The following PTGFRN variants were observed in gnomAD, a reference collection of about 807,000 sequenced individuals.
PTGFRN encodes prostaglandin F2 receptor inhibitor, also known as prostaglandin F2 receptor negative regulator.
Under a neutral mutation model 83.2 loss-of-function variants are expected in PTGFRN, and 35 were observed. The observed-to-expected ratio is 0.42, with a 90% CI of 0.32 to 0.56. The LOEUF is 0.56. Among genes scored for constraint, PTGFRN ranks in the 20% least tolerant of loss-of-function variants. The pLI is 0.11. For synonymous variants in PTGFRN, 519 were observed against 498.6 expected (o/e 1.04, Z -0.55); for missense variants, 1,051 against 1,179.5 (o/e 0.89, Z 1.60).
intron 7 of PTGFRN, among the ~76,000 whole-genome samples, chr1:116,982,907 C>A (rs748684923): frequency 6.6e-6 from 1 of 152,140 alleles, no homozygotes; most frequent in East Asian, 1.9e-4. Context: ...ACAGCCAGTA[C>A]CTGCAGTGGC....
intron 7 of PTGFRN, among the ~76,000 whole-genome samples, chr1:116,976,936 A>G (rs1454013671): frequency 1.3e-5 from 2 of 152,238 alleles, no homozygotes; most frequent in Admixed American, 6.5e-5. Flanking sequence ...GGCAAATTGG[A>G]TAAAGACTCA....
In PTGFRN at chr1:116,944,718, C is replaced by A; in HGVS notation, c.458C>A (p.Pro153His). ...DSLHVGPSARPPPSLSLREGE... is the reference protein window; with the variant it reads ...DSLHVGPSARHPPSLSLREGE... The stretch of plus-strand genomic sequence containing the variant: ...CTGCACGTGGGCCCCAGCGCGCGGC[C>A]CCCGCCGAGCCTGAGCCTGCGGGAG... The change falls in exon 3 of 9, where the codon CCC (proline) becomes CAC (histidine). Residue 153 changes from proline to histidine, a missense_variant. Pro to His is a moderately conservative substitution (Grantham distance 77). Transcript: ENST00000393203. 6.9e-7 allele frequency: 1 copy of A among 1,450,868 alleles called. No homozygotes were observed. The highest frequency in any genetic ancestry group is 1.5e-5 in the South Asian group (1 of 66,706). The allele number at this position is 1,450,868 out of a possible 1,614,324, so 89.9% of individuals were successfully genotyped here.
chr1:116,949,162 A>G (rs772221454), intron 3 of PTGFRN, 30 bp from the exon 4 acceptor site: 2 of 1,547,584 alleles, frequency 1.3e-6, no homozygotes, highest in African/African-American at 2.7e-5. Flanking sequence ...TAATCAGATT[A>G]CCTAGATGTA....
chr1:116,969,408 C>A (rs1372491096), intron 6 of PTGFRN, among the ~76,000 whole-genome samples: 1 of 152,118 alleles, frequency 6.6e-6, no homozygotes, highest in South Asian at 2.1e-4. Context: ...ATAATTTAAT[C>A]ATAAATGTAG....
chr1:116,925,034 C>G (rs1306802912), intron 1 of PTGFRN, among the ~76,000 whole-genome samples: 2 of 152,188 alleles, frequency 1.3e-5, no homozygotes, highest in East Asian at 1.9e-4. Flanking sequence ...CTTCAGCAAG[C>G]TGGACTCATT....
At chr1:116,975,953 G>T (rs1348735401) in intron 7 of PTGFRN, among the ~76,000 whole-genome samples, 1 of 152,160 alleles carries the variant, frequency 6.6e-6, no homozygotes, top group Admixed American at 6.5e-5. Context: ...CGAATCCATC[G>T]CAAAGAAGCT....
At position 116,949,194 on chromosome 1, in the gene PTGFRN, C is replaced by T. The variant is rs746902415; in HGVS notation, c.835C>T (p.Leu279=). The T allele has an allele frequency of 1.3e-6, 2 of 1,571,594 alleles. No homozygotes were observed. Among genetic ancestry groups the T allele is most frequent in the Non-Finnish European group, 1.7e-6 (2 of 1,156,718 alleles). Reference sequence around the variant, plus strand: ...TGTATTTGTTTTTAATTTTCAAGTTCTGCGAGCAGCTGTGCCCAAGAATGT... The same window carrying T: ...TGTATTTGTTTTTAATTTTCAAGTTTTGCGAGCAGCTGTGCCCAAGAATGT... The part of the protein sequence containing the change: ...VATVVIQPSV[L]RAAVPKNVSV... The change falls in exon 4 of 9, where the codon CTG becomes TTG. Residue 279 remains leucine (L), a splice_region_variant and synonymous_variant. Transcript: ENST00000393203.
intron 7 of PTGFRN, among the ~76,000 whole-genome samples, chr1:116,979,190 A>G (rs1651240596): frequency 1.3e-5 from 2 of 152,202 alleles, no homozygotes. Flanking sequence ...TTCAAGGAGA[A>G]CTGCAAACCA....
Position 116,961,400 on chromosome 1 carries a change from T to C in PTGFRN, c.1371T>C (p.Asn457=), listed in dbSNP as rs368368074. 3 of 1,613,554 alleles carry C rather than the reference T, an allele frequency of 1.9e-6. No homozygotes were observed. Among genetic ancestry groups the C allele is most frequent in the Non-Finnish European group, 1.7e-6 (2 of 1,179,656 alleles). Residue 457 remains asparagine, a synonymous_variant, in exon 5 of 9, where the codon AAT becomes AAC. Transcript: ENST00000393203. This position sits in a 1 kb window ranked among gnomAD's most constrained non-coding sequence, Gnocchi z 5.4. The part of the protein sequence containing the change: ...WYYRMNRRSD[N]VVTSELLAVM... ...ACAGGATGAACCGGCGCAGCGACAA[T>C]GTGGTGACCAGCGAGCTGCTTGCAG...
intron 1 of PTGFRN, among the ~76,000 whole-genome samples, chr1:116,910,473 A>C (rs1200801211): frequency 2.6e-5 from 4 of 151,220 alleles, no homozygotes; most frequent in African/African-American, 2.4e-5. Context: ...GCGGGGTGCA[A>C]GTGGCCGCTC....
In PTGFRN at chr1:116,910,165, AAGG is replaced by A. The variant is rs771984744; in HGVS notation, c.-29_-27del. ...AGGAGGAGGAGGAGAGGCGGCGGGG[AAGG>A]AGGAGGAGGGGGAGAGTCGCTCCCG... On this transcript the variant is annotated 5_prime_UTR_variant, in exon 1 of 9. Coordinates refer to ENST00000393203, the MANE Select transcript of PTGFRN (RefSeq NM_020440.4). The A allele has an allele frequency of 2.4e-5, 37 of 1,512,556 alleles. No individual in the cohort carries two copies. Among genetic ancestry groups the A allele is most frequent in the African/African-American group, 1.0e-4 (7 of 70,216 alleles). The allele number at this position is 1,512,556 out of a possible 1,614,324, so 93.7% of individuals were successfully genotyped here.
chr1:116,949,694 A>C (rs1355053057), intron 4 of PTGFRN, 122 bp downstream of exon 4: 3 of 1,372,690 alleles, frequency 2.2e-6, no homozygotes, highest in Admixed American at 2.7e-5. Context: ...CTATTGGTTC[A>C]TGCATACTTT....
intron 1 of PTGFRN, among the ~76,000 whole-genome samples, chr1:116,938,166 T>G (rs1649969169): frequency 6.6e-6 from 1 of 152,236 alleles, no homozygotes; most frequent in African/African-American, 2.4e-5. Flanking sequence ...TGATATATTA[T>G]TTCAACGTTC....
At chr1:116,964,035 C>G (rs557014271) in intron 5 of PTGFRN, among the ~76,000 whole-genome samples, 47 of 152,140 alleles carry the variant, frequency 3.1e-4, no homozygotes, top group South Asian at 1.2e-3. Flanking sequence ...CTGCCTTAGT[C>G]GCCCGAAGTG....
At chr1:116,973,522 T>A (rs1342738142) in intron 6 of PTGFRN, among the ~76,000 whole-genome samples, 1 of 150,822 alleles carries the variant, frequency 6.6e-6, no homozygotes, top group African/African-American at 2.4e-5. Flanking sequence ...GGAGAATCAC[T>A]TGAATCCAGG....
chr1:116,936,623 C>T (rs2806880), intron 1 of PTGFRN, among the ~76,000 whole-genome samples: 17,828 of 152,046 alleles, frequency 0.12, 1,546 homozygotes, highest in African/African-American at 0.24. Context: ...GTGATGGAGG[C>T]ATGAAAGCAG....
At position 116,954,557 on chromosome 1, in the gene PTGFRN, G is replaced by A. The variant is rs114676075; in HGVS notation, c.1213+4985G>A. 3.3e-5 allele frequency among the ~76,000 whole-genome samples: 5 copies of A among 152,336 alleles called. No individual in the cohort carries two copies. The East Asian group carries it at 7.7e-4, about 23-fold the overall frequency. ...CCAAGTTAACTAAGTTTCAGAGGGG[G>A]TATTAGAACATGGTCCTATTGTACA... On this transcript the variant is annotated intron_variant, in intron 4 of 8. Coordinates refer to ENST00000393203, the MANE Select transcript of PTGFRN (RefSeq NM_020440.4).
rs150341125 is a variant in PTGFRN at position 116,949,500 on chromosome 1, G to A, written c.1141G>A (p.Gly381Arg). Reference sequence around the variant, plus strand: ...CTGCCACGTGTCCCTGTGGGCACCCGGACACAACAGGAGCTGGCACAAAGT... The same window carrying A: ...CTGCCACGTGTCCCTGTGGGCACCCAGACACAACAGGAGCTGGCACAAAGT... The part of the protein sequence containing the change: ...YYCHVSLWAP[G>R]HNRSWHKVAE... Residue 381 changes from glycine (G) to arginine (R), a missense_variant, in exon 4 of 9, where the codon GGA (glycine) becomes AGA (arginine). Transcript: ENST00000393203. 55 of 1,614,168 alleles carry A rather than the reference G, an allele frequency of 3.4e-5. No individual in the cohort carries two copies. The highest frequency in any genetic ancestry group is 2.7e-4 in the African/African-American group (20 of 75,060).
chr1:116,957,757 C>T (rs1650538924), intron 4 of PTGFRN, among the ~76,000 whole-genome samples: 1 of 152,132 alleles, frequency 6.6e-6, no homozygotes, highest in African/African-American at 2.4e-5. Context: ...GCGTCCTTTG[C>T]CTAGCATTCT....
Sources: gnomAD v4.1 joint callset for allele counts (sites outside exome capture counted in the v4.1 genomes callset) on GRCh38, gnomAD v4.1.1 for gene constraint, Gnocchi (gnomAD v3.1) non-coding constraint, MANE v1.5 for transcripts, NCBI Gene and HGNC (gene_info 2026-07-23, HGNC 2026-07-21) for gene names.